The following LDLRAD4 variants were observed in gnomAD, a reference collection of about 807,000 sequenced individuals.
LDLRAD4 encodes the protein low-density lipoprotein receptor class A domain-containing protein 4.
Under a neutral mutation model 17.0 loss-of-function variants are expected in LDLRAD4, and 5 were observed. That is an observed-to-expected ratio of 0.29 (90% CI 0.15 to 0.62). The LOEUF (loss-of-function observed/expected upper bound fraction) is 0.62, where lower values mean the gene tolerates loss of function less well. LDLRAD4 is among the 20% of genes least tolerant of loss of function. The pLI is 0.84. For missense variants in LDLRAD4, 340 were observed against 424.7 expected, an observed-to-expected ratio of 0.80 and a Z score of 1.75; for synonymous variants, 168 against 171.8, an observed-to-expected ratio of 0.98 and a Z score of 0.17.
chr18:13,350,392 C>A (rs1299494425), intron 1 of LDLRAD4, among the ~76,000 whole-genome samples: 1 of 152,178 alleles, frequency 6.6e-6, no homozygotes, highest in South Asian at 2.1e-4. Context: ...TGATGATGAG[C>A]TTTGTTTCAT....
At chr18:13,307,808 A>G (rs138824400) in intron 1 of LDLRAD4, among the ~76,000 whole-genome samples, 9 of 152,376 alleles carry the variant, frequency 5.9e-5, no homozygotes, top group African/African-American at 2.2e-4. Context: ...AACATTGAAA[A>G]TGTGTGTTAA....
chr18:13,619,499 G>T (rs867375508), intron 3 of LDLRAD4, among the ~76,000 whole-genome samples: 1 of 130,002 alleles, frequency 7.7e-6, no homozygotes, highest in Non-Finnish European at 1.7e-5. Context: ...TGTGTGTGTG[G>T]GTGGGGGGGT....
intron 3 of LDLRAD4, among the ~76,000 whole-genome samples, chr18:13,571,667 C>T (rs76136438): frequency 0.14 from 20,685 of 152,112 alleles, 1,571 homozygotes; most frequent in East Asian, 0.33. Flanking sequence ...GATGGATTCT[C>T]GCTCTGTTGC....
At chr18:13,619,332 T>C (rs1276098351) in intron 3 of LDLRAD4, among the ~76,000 whole-genome samples, 1 of 152,108 alleles carries the variant, frequency 6.6e-6, no homozygotes, top group African/African-American at 2.4e-5. Flanking sequence ...AAGCGTGTCA[T>C]ACTTCCCATG....
At chr18:13,246,471 G>A (rs1387708130) in intron 1 of LDLRAD4, among the ~76,000 whole-genome samples, 1 of 152,264 alleles carries the variant, frequency 6.6e-6, no homozygotes, top group Non-Finnish European at 1.5e-5. Flanking sequence ...TGCTTGATTG[G>A]TGATGAGGAG....
chr18:13,638,211 A>G (rs2042244222), intron 4 of LDLRAD4, among the ~76,000 whole-genome samples: 1 of 151,938 alleles, frequency 6.6e-6, no homozygotes, highest in Non-Finnish European at 1.5e-5. Flanking sequence ...GTTCAATGCT[A>G]TGAGCACATT....
chr18:13,538,154 A>G (rs1446951547), intron 3 of LDLRAD4, among the ~76,000 whole-genome samples: 1 of 151,834 alleles, frequency 6.6e-6, no homozygotes, highest in Non-Finnish European at 1.5e-5. Flanking sequence ...ATTTTTCTCT[A>G]TTACTTTTCT....
At chr18:13,460,002 G>C (rs963187903) in intron 3 of LDLRAD4, 1 of 153,986 alleles carries the variant, frequency 6.5e-6, no homozygotes, top group Admixed American at 6.5e-5. Flanking sequence ...GCCAGTGACT[G>C]AGCTGGAGCC....
At chr18:13,407,646 T>C (rs1008713859) in intron 2 of LDLRAD4, among the ~76,000 whole-genome samples, 2 of 152,334 alleles carry the variant, frequency 1.3e-5, no homozygotes, top group African/African-American at 4.8e-5. Context: ...CAGATGGCCA[T>C]TCGGAGCTCA....
intron 3 of LDLRAD4, among the ~76,000 whole-genome samples, chr18:13,494,205 A>T (rs559473195): frequency 3.9e-5 from 6 of 152,286 alleles, no homozygotes; most frequent in South Asian, 2.1e-4. Context: ...CTGTATCCCA[A>T]CCTGCTGTCT....
In LDLRAD4 at chr18:13,302,033, G is replaced by T. The variant is rs913538961; in HGVS notation, c.-383+23845G>T. 5.3e-5 allele frequency among the ~76,000 whole-genome samples: 8 copies of T among 152,190 alleles called. No homozygotes were observed. The South Asian group carries it at 1.7e-3, about 32-fold the overall frequency. On this transcript the variant is annotated intron_variant, in intron 1 of 5. Transcript: ENST00000359446. ...GTACATATAAATGTGATGATGTTTAGAAGCTGAAGCATTTGAATAAATCAG... is the reference window on the plus strand; with the variant it reads ...GTACATATAAATGTGATGATGTTTATAAGCTGAAGCATTTGAATAAATCAG...
At chr18:13,240,440 T>C (rs535242127) in intron 1 of LDLRAD4, 1 of 152,416 alleles carries the variant, frequency 6.6e-6, no homozygotes, top group East Asian at 1.9e-4. Flanking sequence ...TCCTGTGGGT[T>C]CTTTGGCCTG....
chr18:13,307,051 C>T (rs2046955853), intron 1 of LDLRAD4, among the ~76,000 whole-genome samples: 1 of 152,180 alleles, frequency 6.6e-6, no homozygotes, highest in Admixed American at 6.5e-5. Flanking sequence ...ATTCAGACTG[C>T]TTTTGACTTC....
intron 1 of LDLRAD4, among the ~76,000 whole-genome samples, chr18:13,226,025 A>C (rs1269668380): frequency 3.3e-5 from 5 of 151,794 alleles, no homozygotes; most frequent in African/African-American, 1.2e-4. Flanking sequence ...ATAACTTGAT[A>C]ATTTAAAAAA....
chr18:13,645,562 C>T lies in LDLRAD4; in HGVS notation c.826C>T (p.His276Tyr), dbSNP rs780865902. The T allele has an allele frequency of 2.5e-6, 4 of 1,608,104 alleles. No homozygotes were observed. The Admixed American group carries it at 6.8e-5, about 27-fold the overall frequency. The change falls in exon 6 of 6, where the codon CAC becomes TAC. Residue 276 changes from histidine to tyrosine, a missense_variant. By Grantham distance (83) the His-to-Tyr change is moderately conservative (BLOSUM62 2). Transcript: ENST00000359446. This position sits in a 1 kb window ranked among gnomAD's most constrained non-coding sequence, Gnocchi z 5.7. ...CCTCCATCACCAGCGCAGCAACGCACACAGGGGCAGCAGACTGCAGTTTCA... is the reference window on the plus strand; with the variant it reads ...CCTCCATCACCAGCGCAGCAACGCATACAGGGGCAGCAGACTGCAGTTTCA...
At chr18:13,624,622 T>C (rs2040955263) in intron 4 of LDLRAD4, among the ~76,000 whole-genome samples, 1 of 152,202 alleles carries the variant, frequency 6.6e-6, no homozygotes, top group Admixed American at 6.5e-5. Flanking sequence ...TATGAGGACC[T>C]GTGTCTCCTC....
At chr18:13,284,776 C>T (rs919193961) in intron 1 of LDLRAD4, among the ~76,000 whole-genome samples, 5 of 152,222 alleles carry the variant, frequency 3.3e-5, no homozygotes, top group Admixed American at 6.5e-5. Flanking sequence ...TGCCCCTGCT[C>T]GAGGCCACCC....
At chr18:13,400,262 G>A (rs76561868) in intron 2 of LDLRAD4, among the ~76,000 whole-genome samples, 1,528 of 152,314 alleles carry the variant, frequency 0.01, 12 homozygotes, top group Middle Eastern at 0.024. Flanking sequence ...TTAGCGTGGG[G>A]TAAAAGAGAG....
rs546454665 is a variant in LDLRAD4 at position 13,622,003 on chromosome 18, C to T, written c.336+732C>T. On this transcript the variant is annotated intron_variant, in intron 4 of 5. Transcript: ENST00000359446. The surrounding 1 kb of genome is among the most constrained non-coding windows in gnomAD (Gnocchi z 5.3). Reference sequence around the variant, plus strand: ...TGGCTTCCAGCCAGAGGGTTAGGAGCGGTGAGTTCAGCGAGCGTATAAATC... The same window carrying T: ...TGGCTTCCAGCCAGAGGGTTAGGAGTGGTGAGTTCAGCGAGCGTATAAATC... Among the ~76,000 whole-genome samples, 54 of 152,252 alleles carry T rather than the reference C, an allele frequency of 3.5e-4. No homozygotes were observed. The highest frequency in any genetic ancestry group is 5.9e-4 in the Non-Finnish European group (40 of 68,012).
Sources: allele counts gnomAD v4.1 joint callset (sites outside exome capture counted in the v4.1 genomes callset), GRCh38; gene constraint gnomAD v4.1.1; non-coding constraint Gnocchi (gnomAD v3.1); transcripts MANE v1.5; gene names NCBI Gene and HGNC (gene_info 2026-07-23, HGNC 2026-07-21).